Variants in TMBIM1 observed in about 807,000 individuals in gnomAD.
The protein encoded by TMBIM1 is transmembrane BAX inhibitor motif containing 1.
A neutral mutation model predicts 45.1 loss-of-function variants in TMBIM1; 34 were observed. That is an observed-to-expected ratio of 0.75 (90% CI 0.57 to 1.00). The LOEUF (loss-of-function observed/expected upper bound fraction) is 1.00. Ranked by LOEUF, TMBIM1 falls within the 50% of genes least tolerant of loss-of-function variation. The pLI, the probability that TMBIM1 is intolerant of heterozygous loss-of-function variation, is 0.00. For synonymous variants in TMBIM1, 157 were observed against 153.5 expected (o/e 1.02, Z -0.17); for missense variants, 374 against 402.4 (o/e 0.93, Z 0.60).
intron 2 of TMBIM1, 85 bp from the exon 3 acceptor site, chr2:218,280,211 C>A: frequency 1.0e-6 from 1 of 967,772 alleles, no homozygotes; most frequent in South Asian, 1.3e-5. Flanking sequence ...CTCAAAGTCT[C>A]AGGGATCTCC....
intron 11 of TMBIM1, 44 bp from the exon 12 acceptor site, chr2:218,275,665 G>A: frequency 4.4e-6 from 7 of 1,582,580 alleles, no homozygotes; most frequent in Non-Finnish European, 6.0e-6. Flanking sequence ...AGGCATCAGT[G>A]TCCAGAGCTC....
In TMBIM1 at chr2:218,276,951, A is replaced by G. The variant is rs1405098852; in HGVS notation, c.735+53T>C. 4 of 1,478,732 alleles carry G rather than the reference A, an allele frequency of 2.7e-6. No individual in the cohort carries two copies. In the East Asian group the frequency reaches 6.8e-5, roughly 25 times the overall value. 91.6% of individuals were successfully genotyped at this position (1,478,732 alleles called of 1,614,324 possible). The stretch of plus-strand genomic sequence containing the variant: ...GGCCTGCGAGACCATGCTATATAGG[A>G]AGTCTGCCCTGAGCACTGGGTTCCC... On this transcript the variant is annotated intron_variant, in intron 10 of 11. Transcript: ENST00000258412.
In TMBIM1 at chr2:218,276,028, G is replaced by T; in HGVS notation, c.787C>A (p.Leu263Met). The change falls in exon 11 of 12, where the codon CTG becomes ATG. Residue 263 changes from leucine to methionine, a missense_variant and splice_region_variant. Coordinates refer to ENST00000258412, the MANE Select transcript of TMBIM1 (RefSeq NM_022152.6). Reference sequence around the variant, plus strand: ...CCTAGAGTGGGGCTGGGACTTACCAGGGTGAAACAAATGGCCCCCAGAGCA... The same window carrying T: ...CCTAGAGTGGGGCTGGGACTTACCATGGTGAAACAAATGGCCCCCAGAGCA... Reference protein sequence around the residue: ...YAALGAICFTLFLAYDTQLVL... With the variant: ...YAALGAICFTMFLAYDTQLVL... 2 of 1,612,068 alleles carry T rather than the reference G, an allele frequency of 1.2e-6. No homozygotes were observed. Among genetic ancestry groups the T allele is most frequent in the South Asian group, 1.1e-5 (1 of 90,402 alleles).
rs576283543 is a variant in TMBIM1 at position 218,274,366 on chromosome 2, G to A, written c.*1109C>T. The A allele has an allele frequency of 6.5e-6, 1 of 154,882 alleles. No homozygotes were observed. Among genetic ancestry groups the A allele is most frequent in the South Asian group, 2.0e-4 (1 of 4,902 alleles). 9.6% of individuals were successfully genotyped at this position (154,882 alleles called of 1,614,324 possible). A position where few individuals can be genotyped will look rare whatever the true frequency, so the allele number is the denominator to read the frequency against. On this transcript the variant is annotated 3_prime_UTR_variant, in exon 12 of 12. Coordinates refer to ENST00000258412, the MANE Select transcript of TMBIM1 (RefSeq NM_022152.6). ...GTCCCCCTTCCCCATTCCAGCTCAA[G>A]GCACTTAATATTACAAAGAAGGCAG...
At position 218,279,035 on chromosome 2, in the gene TMBIM1, C is replaced by T. The variant is rs1691569313; in HGVS notation, c.422+3G>A. The T allele has an allele frequency of 3.1e-6, 5 of 1,614,020 alleles. No individual in the cohort carries two copies. The highest frequency in any genetic ancestry group is 4.2e-6 in the Non-Finnish European group (5 of 1,180,006). ...GCCCAACCACAGAGGAGCACACACT[C>T]ACTAGGACACGTAGTAGACAGCCAC... On this transcript the variant is annotated splice_donor_region_variant and intron_variant, in intron 5 of 11. Transcript: ENST00000258412.
At chr2:218,277,576 C>T (rs1273215513) in intron 8 of TMBIM1, 57 bp downstream of exon 8, 1 of 1,612,156 alleles carries the variant, frequency 6.2e-7, no homozygotes, top group Non-Finnish European at 8.5e-7. Context: ...GGCCCAGGAA[C>T]ACCCCACTCC....
intron 1 of TMBIM1, among the ~76,000 whole-genome samples, chr2:218,283,210 A>G (rs1692211491): frequency 6.6e-6 from 1 of 152,230 alleles, no homozygotes; most frequent in Admixed American, 6.5e-5. Flanking sequence ...TGGAGTTGGA[A>G]GGGACCTCAG....
chr2:218,287,565 C>G (rs1246545482), intron 1 of TMBIM1, among the ~76,000 whole-genome samples: 1 of 152,110 alleles, frequency 6.6e-6, no homozygotes, highest in East Asian at 1.9e-4. Flanking sequence ...AAAAAATTAG[C>G]TGGGCGTGAT....
At position 218,278,163 on chromosome 2, in the gene TMBIM1, G is replaced by A. The variant is rs569164608; in HGVS notation, c.474-189C>T. 43 of 642,200 alleles carry A rather than the reference G, an allele frequency of 6.7e-5. 1 individual carries two copies. In the South Asian group the frequency reaches 8.4e-4, roughly 13 times the overall value. The allele number at this position is 642,200 out of a possible 1,614,324, so 39.8% of individuals were successfully genotyped here. On this transcript the variant is annotated intron_variant, in intron 6 of 11. Coordinates refer to ENST00000258412, the MANE Select transcript of TMBIM1 (RefSeq NM_022152.6). ...AGGGACAACATGGGCCAATGAGACAGACCTGTGTTGTGGCGCCAGAAACAC... is the reference window on the plus strand; with the variant it reads ...AGGGACAACATGGGCCAATGAGACAAACCTGTGTTGTGGCGCCAGAAACAC...
At chr2:218,289,634 A>AAAAC in intron 1 of TMBIM1, among the ~76,000 whole-genome samples, 1 of 150,988 alleles carries the variant, frequency 6.6e-6, no homozygotes, top group East Asian at 1.9e-4. Flanking sequence ...AGAAAAAAAA[A>AAAAC]AAAAAAAAAA....
intron 10 of TMBIM1, among the ~76,000 whole-genome samples, chr2:218,276,595 G>T (rs1691234914): frequency 1.3e-5 from 2 of 152,102 alleles, no homozygotes; most frequent in African/African-American, 4.8e-5. Context: ...CTTCGGCACT[G>T]TTCTCCCCCA....
chr2:218,281,949 TG>T lies in TMBIM1; in HGVS notation c.192del (p.Met65Ter). On this transcript the variant is annotated frameshift_variant, in exon 2 of 12. Transcript: ENST00000258412. LOFTEE classifies it high-confidence loss of function. ...CCCTTCCAGGACTCACCGTAGTTCA[TG>T]GGCATCGGGTGGGTGGGGGGCATGG... ...PQPMPPTHPM[P>X]MNYGPGHGYD... 1 of 1,597,390 alleles carries T rather than the reference TG, an allele frequency of 6.3e-7. No homozygotes were observed. Among genetic ancestry groups the T allele is most frequent in the African/African-American group, 1.3e-5 (1 of 74,734 alleles).
chr2:218,285,317 G>C (rs1254591804), intron 1 of TMBIM1, among the ~76,000 whole-genome samples: 1 of 152,154 alleles, frequency 6.6e-6, no homozygotes, highest in Non-Finnish European at 1.5e-5. Context: ...TGAGCCCCAA[G>C]ACTGACTCCC....
At chr2:218,291,041 G>A (rs1037346873) in intron 1 of TMBIM1, among the ~76,000 whole-genome samples, 3 of 152,172 alleles carry the variant, frequency 2.0e-5, no homozygotes, top group Admixed American at 6.5e-5. Flanking sequence ...TGAGGCCTGC[G>A]GTTGGAGGTG....
intron 9 of TMBIM1, 34 bp downstream of exon 9, chr2:218,277,331 TC>T (rs1221678595): frequency 2.5e-6 from 4 of 1,592,132 alleles, no homozygotes; most frequent in Non-Finnish European, 3.4e-6. Flanking sequence ...GAAAGGGGAG[TC>T]GGGGGGCCAG....
chr2:218,277,181 G>C (rs1208471930), intron 9 of TMBIM1, 82 bp from the exon 10 acceptor site: 5 of 1,289,748 alleles, frequency 3.9e-6, no homozygotes, highest in South Asian at 3.6e-5. Context: ...GGGAGTCCCA[G>C]TGCTGCCTCC....
chr2:218,287,104 A>C (rs1692582529), intron 1 of TMBIM1: 1 of 152,212 alleles, frequency 6.6e-6, no homozygotes, highest in South Asian at 2.1e-4. Context: ...GCCCAGAATC[A>C]ACTAAATATC....
intron 1 of TMBIM1, among the ~76,000 whole-genome samples, chr2:218,290,386 C>G (rs901432277): frequency 6.6e-6 from 1 of 152,218 alleles, no homozygotes; most frequent in Non-Finnish European, 1.5e-5. Flanking sequence ...GACACCCAAC[C>G]CTGAGAATCA....
In TMBIM1 at chr2:218,277,070, G is replaced by C; in HGVS notation, c.669C>G (p.Phe223Leu). 1 of 1,614,202 alleles carries C rather than the reference G, an allele frequency of 6.2e-7. No homozygotes were observed. The highest frequency in any genetic ancestry group is 8.5e-7 in the Non-Finnish European group (1 of 1,180,024). Residue 223 changes from phenylalanine to leucine, a missense_variant, in exon 10 of 12, where the codon TTC (phenylalanine) becomes TTG (leucine). Coordinates refer to ENST00000258412, the MANE Select transcript of TMBIM1 (RefSeq NM_022152.6). ...CCAGGAGCACAATTCCCAGGACACAGAAGAGGCCTGTGCACGAGGTGAAGT... is the reference window on the plus strand; with the variant it reads ...CCAGGAGCACAATTCCCAGGACACACAAGAGGCCTGTGCACGAGGTGAAGT... The part of the protein sequence containing the change: ...KVDFTSCTGL[F>L]CVLGIVLLVT...
Sources: gnomAD v4.1 joint callset for allele counts (sites outside exome capture counted in the v4.1 genomes callset) on GRCh38, gnomAD v4.1.1 for gene constraint, MANE v1.5 for transcripts, NCBI Gene and HGNC (gene_info 2026-07-23, HGNC 2026-07-21) for gene names.